Variants in RTN1 observed in about 807,000 individuals in gnomAD.
RTN1 encodes the protein reticulon 1, also known as reticulon-1.
A neutral mutation model predicts 65.5 loss-of-function variants in RTN1; 25 were observed. The observed-to-expected ratio is 0.38, with a 90% CI of 0.28 to 0.53. The LOEUF (loss-of-function observed/expected upper bound fraction) is 0.53, where lower values mean the gene tolerates loss of function less well. Among genes scored for constraint, RTN1 ranks in the 20% least tolerant of loss-of-function variants. The probability of loss-of-function intolerance (pLI) is 0.79; values close to 1 mark genes in which losing one functional copy is unlikely to be tolerated. For missense variants in RTN1, 983 were observed against 1,025.4 expected (o/e 0.96, Z 0.57); for synonymous variants, 471 against 447.6 (o/e 1.05, Z -0.66).
At chr14:59,682,593 A>T (rs1219421976) in intron 3 of RTN1, among the ~76,000 whole-genome samples, 2 of 152,234 alleles carry the variant, frequency 1.3e-5, no homozygotes, top group Non-Finnish European at 2.9e-5. Flanking sequence ...TTCTGTTTAC[A>T]TTAACACAAC....
chr14:59,832,731 G>A (rs764120211), intron 1 of RTN1, among the ~76,000 whole-genome samples: 2 of 152,156 alleles, frequency 1.3e-5, no homozygotes, highest in Non-Finnish European at 2.9e-5. Flanking sequence ...AACCTCTTGT[G>A]CTAACATACA....
chr14:59,784,436 C>T (rs149676580), intron 1 of RTN1, among the ~76,000 whole-genome samples: 1,973 of 143,454 alleles, frequency 0.014, 25 homozygotes, highest in Middle Eastern at 0.028. Flanking sequence ...AGCGAAACTC[C>T]GTCTCAGAAA....
At chr14:59,749,486 T>G (rs1184096736) in intron 1 of RTN1, among the ~76,000 whole-genome samples, 3 of 73,320 alleles carry the variant, frequency 4.1e-5, no homozygotes, top group African/African-American at 1.4e-4. Flanking sequence ...TATATCTATA[T>G]ATATCTATAT....
At chr14:59,598,616 A>C (rs1881482230) in intron 8 of RTN1, among the ~76,000 whole-genome samples, 1 of 152,178 alleles carries the variant, frequency 6.6e-6, no homozygotes, top group Non-Finnish European at 1.5e-5. Context: ...TCTAACTTCT[A>C]TTTGAATACT....
At chr14:59,616,536 A>G (rs902261497) in intron 3 of RTN1, among the ~76,000 whole-genome samples, 2 of 152,180 alleles carry the variant, frequency 1.3e-5, no homozygotes, top group African/African-American at 4.8e-5. Flanking sequence ...ATTTATATAA[A>G]TGTTATTAGT....
intron 1 of RTN1, among the ~76,000 whole-genome samples, chr14:59,750,175 A>T (rs1885432695): frequency 5.6e-5 from 4 of 71,620 alleles, no homozygotes; most frequent in African/African-American, 2.3e-4. Context: ...TTATATCTAT[A>T]ATATATAATA....
At chr14:59,841,256 G>A (rs1887305929) in intron 1 of RTN1, among the ~76,000 whole-genome samples, 2 of 152,136 alleles carry the variant, frequency 1.3e-5, no homozygotes, top group Non-Finnish European at 2.9e-5. Context: ...TGAAAAGACA[G>A]AAGATGCAAG....
At chr14:59,711,750 A>G (rs900368789) in intron 3 of RTN1, among the ~76,000 whole-genome samples, 2 of 152,254 alleles carry the variant, frequency 1.3e-5, no homozygotes, top group African/African-American at 4.8e-5. Context: ...AAAGGAAGGC[A>G]TACATCAAGT....
At chr14:59,731,110 C>T (rs1884886236) in intron 2 of RTN1, among the ~76,000 whole-genome samples, 1 of 152,114 alleles carries the variant, frequency 6.6e-6, no homozygotes, top group East Asian at 1.9e-4. Context: ...AATCTAATAT[C>T]CATCAACTGA....
chr14:59,714,398 A>T (rs1175086878), intron 3 of RTN1, among the ~76,000 whole-genome samples: 1 of 152,202 alleles, frequency 6.6e-6, no homozygotes, highest in Non-Finnish European at 1.5e-5. Context: ...TCAGTGGCTT[A>T]ACATGGAAGG....
At chr14:59,782,818 C>T (rs936688477) in intron 1 of RTN1, among the ~76,000 whole-genome samples, 3 of 152,154 alleles carry the variant, frequency 2.0e-5, no homozygotes, top group East Asian at 3.9e-4. Context: ...GCAGCAGTTA[C>T]GTGTTGGTGC....
At chr14:59,689,563 G>A (rs1053801692) in intron 3 of RTN1, among the ~76,000 whole-genome samples, 9 of 152,148 alleles carry the variant, frequency 5.9e-5, no homozygotes, top group Non-Finnish European at 1.2e-4. Flanking sequence ...TGGAAAAAAG[G>A]GTCAGAACAT....
chr14:59,617,895 T>A (rs895910262), intron 3 of RTN1, among the ~76,000 whole-genome samples: 2 of 152,088 alleles, frequency 1.3e-5, no homozygotes, highest in Non-Finnish European at 2.9e-5. Flanking sequence ...TCCCACTACA[T>A]CCCCTGTCAG....
intron 3 of RTN1, among the ~76,000 whole-genome samples, chr14:59,652,071 G>GA (rs1012878924): frequency 1.3e-5 from 2 of 151,774 alleles, no homozygotes; most frequent in East Asian, 1.9e-4. Context: ...ACAAGCATAT[G>GA]AAAAAAAACC....
intron 2 of RTN1, among the ~76,000 whole-genome samples, chr14:59,736,592 G>C (rs1320788605): frequency 1.3e-5 from 2 of 152,134 alleles, no homozygotes; most frequent in Non-Finnish European, 2.9e-5. Flanking sequence ...AATTCTACCA[G>C]AGGTATAAAG....
In RTN1 at chr14:59,656,463, T is replaced by C. The variant is rs947973955; in HGVS notation, c.1766-48971A>G. Among the ~76,000 whole-genome samples the C allele has an allele frequency of 3.3e-5, 5 of 152,274 alleles. No homozygotes were observed. The East Asian group carries it at 9.7e-4, about 29-fold the overall frequency. On this transcript the variant is annotated intron_variant, in intron 3 of 8. Coordinates refer to ENST00000267484, the MANE Select transcript of RTN1 (RefSeq NM_021136.3). ...TCAACACAAGGCTTGGTGAACAGAG[T>C]GAGCCGGAGTCAAGCTTCACTTGCC...
At chr14:59,739,999 C>T (rs1186804432) in intron 2 of RTN1, among the ~76,000 whole-genome samples, 3 of 152,196 alleles carry the variant, frequency 2.0e-5, no homozygotes, top group Non-Finnish European at 2.9e-5. Context: ...CCTGATGCTG[C>T]GTTGTTCTGG....
intron 3 of RTN1, among the ~76,000 whole-genome samples, chr14:59,691,066 G>A (rs989740780): frequency 2.0e-5 from 3 of 151,814 alleles, no homozygotes; most frequent in Non-Finnish European, 4.4e-5. Context: ...AGCTAGAAGA[G>A]GAAAAGAAAT....
At chr14:59,721,006 T>A (rs1465500203) in intron 3 of RTN1, among the ~76,000 whole-genome samples, 3 of 146,382 alleles carry the variant, frequency 2.0e-5, no homozygotes, top group Non-Finnish European at 4.5e-5. Flanking sequence ...GTATAATGAC[T>A]TTTTTTTTTT....
Sources: allele counts gnomAD v4.1 joint callset (sites outside exome capture counted in the v4.1 genomes callset), GRCh38; gene constraint gnomAD v4.1.1; transcripts MANE v1.5; gene names NCBI Gene and HGNC (gene_info 2026-07-23, HGNC 2026-07-21).